SAMD13: variants seen among roughly 807,000 people sequenced by gnomAD.
The protein encoded by SAMD13 is sterile alpha motif domain-containing protein 13.
SAMD13 carries 9 observed loss-of-function variants against 12.4 expected under a neutral mutation model. The ratio of observed to expected loss-of-function variants is 0.72; its 90% CI spans 0.44 to 1.26. The LOEUF is 1.26. Ranked by LOEUF, SAMD13 falls within the 50% of genes most tolerant of loss-of-function variation. The pLI is 0.00. For missense variants in SAMD13, 84 were observed against 119.6 expected, an observed-to-expected ratio of 0.70 and a Z score of 1.39; for synonymous variants, 46 against 45.4, an observed-to-expected ratio of 1.01 and a Z score of -0.05.
intron 3 of SAMD13, among the ~76,000 whole-genome samples, chr1:84,342,752 C>A (rs1264859225): frequency 6.6e-6 from 1 of 152,036 alleles, no homozygotes; most frequent in East Asian, 1.9e-4. Context: ...CTATAAAAAC[C>A]CTAGAAGAAA....
intron 2 of SAMD13, among the ~76,000 whole-genome samples, chr1:84,324,414 G>A (rs765496704): frequency 1.3e-5 from 2 of 152,236 alleles, no homozygotes; most frequent in African/African-American, 2.4e-5. Context: ...CTTTTAGATC[G>A]TACCTGAAAA....
chr1:84,325,226 C>A (rs548193174), intron 2 of SAMD13, among the ~76,000 whole-genome samples: 1 of 152,016 alleles, frequency 6.6e-6, no homozygotes, highest in African/African-American at 2.4e-5. Flanking sequence ...GTGGCTGGGA[C>A]AGAATGTGCA....
chr1:84,310,428 TC>T lies in SAMD13; in HGVS notation c.53+7143del, dbSNP rs201094149. ...TTGTGTTGGGCCACAGTCAAAGCCA[TC>T]CTGGGCTGCATGGAACCCGTGAGCC... On this transcript the variant is annotated intron_variant, in intron 2 of 3. Transcript: ENST00000394834. Among the ~76,000 whole-genome samples, 262 of 152,250 alleles carry T rather than the reference TC, an allele frequency of 1.7e-3. 1 individual carries two copies. Among genetic ancestry groups the T allele is most frequent in the Admixed American group, 0.012 (181 of 15,280 alleles).
At chr1:84,305,956 G>C (rs1380819325) in intron 2 of SAMD13, among the ~76,000 whole-genome samples, 1 of 151,910 alleles carries the variant, frequency 6.6e-6, no homozygotes, top group Admixed American at 6.6e-5. Context: ...TTTTGCCTCT[G>C]TACATTTCCA....
At chr1:84,299,564 C>T, upstream of SAMD13, 4 of 1,481,346 alleles carry the variant, frequency 2.7e-6, no homozygotes, top group Non-Finnish European at 3.6e-6. Context: ...ACATCACACT[C>T]ACATACTTTA....
chr1:84,325,418 C>T (rs1480694978), intron 2 of SAMD13, among the ~76,000 whole-genome samples: 1 of 152,138 alleles, frequency 6.6e-6, no homozygotes, highest in South Asian at 2.1e-4. Flanking sequence ...GGGCTGCCAG[C>T]AGTCACTGGA....
intron 3 of SAMD13, among the ~76,000 whole-genome samples, chr1:84,327,322 A>G (rs979432968): frequency 3.3e-5 from 5 of 152,204 alleles, no homozygotes; most frequent in Non-Finnish European, 7.3e-5. Context: ...ACTGATTGAG[A>G]GAAACCTTAC....
At chr1:84,306,257 T>C (rs1189977376) in intron 2 of SAMD13, among the ~76,000 whole-genome samples, 1 of 151,886 alleles carries the variant, frequency 6.6e-6, no homozygotes, top group East Asian at 1.9e-4. Context: ...TATTGCTTTT[T>C]TAATTTGAAT....
rs1570240599 is a variant in SAMD13, at chr1:84,319,749, G to A, written c.54-5888G>A. On this transcript the variant is annotated intron_variant, in intron 2 of 3. Coordinates refer to ENST00000394834, the MANE Select transcript of SAMD13 (RefSeq NM_001134663.2). ...TAAGATCCTTTGTTTTCAGAAAGAT[G>A]GGTTGGGAAGACATTCCAGGCAGAG... is the stretch of plus-strand genomic sequence containing the variant. 3.3e-5 allele frequency among the ~76,000 whole-genome samples: 5 copies of A among 152,268 alleles called. No homozygotes were observed. The South Asian group carries it at 1.0e-3, about 32-fold the overall frequency.
intron 2 of SAMD13, among the ~76,000 whole-genome samples, chr1:84,323,906 G>A (rs1449502005): frequency 6.6e-6 from 1 of 152,034 alleles, no homozygotes; most frequent in Non-Finnish European, 1.5e-5. Flanking sequence ...GCTTTGTGCT[G>A]TAGACTTATA....
At chr1:84,319,576 A>G (rs1678899276) in intron 2 of SAMD13, among the ~76,000 whole-genome samples, 1 of 151,690 alleles carries the variant, frequency 6.6e-6, no homozygotes, top group Non-Finnish European at 1.5e-5. Flanking sequence ...CAGAGGCTGC[A>G]ATGAGCTGAG....
chr1:84,300,824 G>A (rs12134735), upstream of SAMD13, among the ~76,000 whole-genome samples: 53,247 of 151,952 alleles, frequency 0.35, 9,778 homozygotes, highest in South Asian at 0.43. Flanking sequence ...TTTCTGATTT[G>A]GTATTTAGGA....
At chr1:84,348,766 A>G (rs1679587361) in intron 3 of SAMD13, among the ~76,000 whole-genome samples, 1 of 152,134 alleles carries the variant, frequency 6.6e-6, no homozygotes, top group African/African-American at 2.4e-5. Flanking sequence ...CTCTGTGCCT[A>G]AGGGTGCAGG....
intron 3 of SAMD13, among the ~76,000 whole-genome samples, chr1:84,329,216 C>T (rs1357793426): frequency 6.6e-6 from 1 of 152,114 alleles, no homozygotes; most frequent in Admixed American, 6.5e-5. Context: ...TTCTACAAGC[C>T]AGCAGGAGAG....
rs114326228 is a variant in SAMD13 at position 84,326,374 on chromosome 1, G to A, written c.165+626G>A. 7.7e-3 allele frequency among the ~76,000 whole-genome samples: 1,176 copies of A among 152,262 alleles called. 17 individuals are homozygous for A. The highest frequency in any genetic ancestry group is 0.027 in the African/African-American group (1,112 of 41,554). ...GATTAGTGGACAATATACACACAGTGCCTATGATAGGTTCTGGCATAGTGT... is the reference window on the plus strand; with the variant it reads ...GATTAGTGGACAATATACACACAGTACCTATGATAGGTTCTGGCATAGTGT... On this transcript the variant is annotated intron_variant, in intron 3 of 3. Coordinates refer to ENST00000394834, the MANE Select transcript of SAMD13 (RefSeq NM_001134663.2).
rs1679623064 is a variant in SAMD13, at chr1:84,350,276, G to T, written c.*502G>T. 2 of 152,636 alleles carry T rather than the reference G, an allele frequency of 1.3e-5. No individual in the cohort carries two copies. The highest frequency in any genetic ancestry group is 4.8e-5 in the African/African-American group (2 of 41,398). 9.5% of individuals were successfully genotyped at this position (152,636 alleles called of 1,614,324 possible). A position where few individuals can be genotyped will look rare whatever the true frequency, so the allele number is the denominator to read the frequency against. On this transcript the variant is annotated 3_prime_UTR_variant, in exon 4 of 4. Transcript: ENST00000394834. ...TTGCCAACACCCTTTTTTATAGAGGGTTCTCCACTTGACCTTATTAAGGTT... is the reference window on the plus strand; with the variant it reads ...TTGCCAACACCCTTTTTTATAGAGGTTTCTCCACTTGACCTTATTAAGGTT...
At chr1:84,318,858 G>A (rs1339693353) in intron 2 of SAMD13, among the ~76,000 whole-genome samples, 1 of 152,082 alleles carries the variant, frequency 6.6e-6, no homozygotes, top group African/African-American at 2.4e-5. Context: ...AATTGAGTCT[G>A]TTTATTATTT....
upstream of SAMD13, among the ~76,000 whole-genome samples, chr1:84,300,148 G>A (rs316644): frequency 0.95 from 145,202 of 152,288 alleles, 69,387 homozygotes; most frequent in Non-Finnish European, 0.99. Flanking sequence ...GTCCAAAAGC[G>A]TTAAGGAATC....
intron 2 of SAMD13, among the ~76,000 whole-genome samples, chr1:84,305,829 C>G (rs1274481274): frequency 1.3e-5 from 2 of 152,062 alleles, no homozygotes; most frequent in African/African-American, 4.8e-5. Flanking sequence ...TTTCTGGGCT[C>G]TCTATTGTAT....
Sources: allele counts gnomAD v4.1 joint callset (sites outside exome capture counted in the v4.1 genomes callset), GRCh38; gene constraint gnomAD v4.1.1; transcripts MANE v1.5; gene names NCBI Gene and HGNC (gene_info 2026-07-23, HGNC 2026-07-21).